The following IDUA variants were observed in gnomAD, a reference collection of about 807,000 sequenced individuals.
The protein encoded by IDUA is alpha-L-iduronidase, also known as iduronidase alpha-L-.
In IDUA, 65 loss-of-function variants were observed where a neutral mutation model predicts 68.9. The observed-to-expected ratio is 0.94, with a 90% CI of 0.77 to 1.16. The LOEUF is 1.16. Ranked by LOEUF, IDUA falls within the 50% of genes most tolerant of loss-of-function variation. IDUA has a pLI of 0.00. For synonymous variants in IDUA, 529 were observed against 433.6 expected (o/e 1.22, Z -2.73); for missense variants, 1,046 against 938.0 (o/e 1.12, Z -1.50).
At chr4:992,095 A>T (rs1178264494) in intron 2 of IDUA, 1 of 508,916 alleles carries the variant, frequency 2.0e-6, no homozygotes, top group African/African-American at 1.9e-5. Context: ...CCTGAAGCTC[A>T]CCTCCCCAAC....
chr4:988,870 C>A, intron 2 of IDUA: 1 of 1,596,222 alleles, frequency 6.3e-7, no homozygotes. Flanking sequence ...CTCCCTGTGG[C>A]GGGCTCGTGC....
At position 991,523 on chromosome 4, in the gene IDUA, G is replaced by A. The variant is rs547128457; in HGVS notation, c.299+3574G>A. The stretch of plus-strand genomic sequence containing the variant: ...AGGTACTCCCGCGGGCGGTACTGAC[G>A]CAGCCAGCGCGTGGCGGGGAGCAGG... On this transcript the variant is annotated intron_variant, in intron 2 of 13. Coordinates refer to ENST00000514224, the MANE Select transcript of IDUA (RefSeq NM_000203.5). 3.9e-4 allele frequency: 634 copies of A among 1,607,548 alleles called. 8 individuals carry two copies. In the South Asian group the frequency reaches 6.6e-3, roughly 17 times the overall value.
At position 1,003,461 on chromosome 4, in the gene IDUA, G is replaced by A. The variant is rs751005613; in HGVS notation, c.1641G>A (p.Pro547=). 4.5e-6 allele frequency: 7 copies of A among 1,560,686 alleles called. 1 individual carries two copies. In the South Asian group the frequency reaches 8.0e-5, roughly 18 times the overall value. Residue 547 remains proline, a synonymous_variant, in exon 11 of 14, where the codon CCG becomes CCA. Transcript: ENST00000514224. The part of the protein sequence containing the change: ...LVHVCARPEK[P]PGQVTRLRAL... ...ACGTGTGTGCGCGCCCCGAGAAGCC[G>A]CCCGGGCAGGCAAGTGGCAGTCCCC...
chr4:1,000,737 C>T, intron 3 of IDUA, 40 bp downstream of exon 3: 2 of 1,523,820 alleles, frequency 1.3e-6, no homozygotes, highest in Non-Finnish European at 1.8e-6. Context: ...GCCTGCACCC[C>T]CTTGCCCTGC....
chr4:991,895 G>T (rs1410021862), intron 2 of IDUA: 3 of 1,252,866 alleles, frequency 2.4e-6, no homozygotes, highest in Non-Finnish European at 3.4e-6. Flanking sequence ...CCCCTGCCCG[G>T]TATGGATGGA....
chr4:1,002,985 C>T, intron 9 of IDUA, 41 bp downstream of exon 9: 1 of 1,410,990 alleles, frequency 7.1e-7, no homozygotes, highest in Non-Finnish European at 9.2e-7. Flanking sequence ...CCCGCTGGGG[C>T]TCTGGAGGGG....
intron 2 of IDUA, among the ~76,000 whole-genome samples, chr4:996,598 G>T (rs1476033862): frequency 6.6e-6 from 1 of 152,222 alleles, no homozygotes; most frequent in Non-Finnish European, 1.5e-5. Context: ...CACTGCAGGG[G>T]CCTGGCCTCA....
intron 2 of IDUA, among the ~76,000 whole-genome samples, chr4:994,281 T>C (rs77221297): frequency 4.4e-5 from 5 of 112,930 alleles, no homozygotes; most frequent in Non-Finnish European, 7.8e-5. Context: ...CCACCTTTTC[T>C]TTTTTTTTTT....
rs757756523 is a variant in IDUA at position 989,630 on chromosome 4, G to C, written c.299+1681G>C. 5 of 1,599,396 alleles carry C rather than the reference G, an allele frequency of 3.1e-6. No individual in the cohort carries two copies. In the South Asian group the frequency reaches 4.5e-5, roughly 14 times the overall value. ...ACGCAGGCCAGCACGCTTCGCTGTA[G>C]GTCGTGGAACAGCGGTGCCAGCGCC... On this transcript the variant is annotated intron_variant, in intron 2 of 13. Transcript: ENST00000514224.
rs201268637 is a variant in IDUA, at chr4:1,001,876, A to T, written c.787A>T (p.Arg263Trp). The part of the protein sequence containing the change: ...GVRLDYISLH[R>W]KGARSSISIL... Reference sequence around the variant, plus strand: ...GCGGCTGGACTACATCTCCCTCCACAGGAAGGTGCGCCCTGCCCCTCCGTC... The same window carrying T: ...GCGGCTGGACTACATCTCCCTCCACTGGAAGGTGCGCCCTGCCCCTCCGTC... The change falls in exon 6 of 14, where the codon AGG becomes TGG. Residue 263 changes from arginine (R) to tryptophan (W), a missense_variant. Coordinates refer to ENST00000514224, the MANE Select transcript of IDUA (RefSeq NM_000203.5). The T allele has an allele frequency of 9.2e-5, 145 of 1,583,982 alleles. No individual in the cohort carries two copies. The Middle Eastern group carries it at 1.0e-3, about 11-fold the overall frequency.
chr4:989,090 C>T lies in IDUA; in HGVS notation c.299+1141C>T, dbSNP rs542658522. 4.3e-5 allele frequency: 68 copies of T among 1,599,178 alleles called. No homozygotes were observed. The highest frequency in any genetic ancestry group is 5.2e-5 in the Non-Finnish European group (61 of 1,173,446). On this transcript the variant is annotated intron_variant, in intron 2 of 13. Transcript: ENST00000514224. ...GCTGCGTCTAGGAACAGCAGCGGGG[C>T]GCAGTCGATGACCACTGTGTGGAAG...
At chr4:988,317 T>C in intron 2 of IDUA, 1 of 1,101,746 alleles carries the variant, frequency 9.1e-7, no homozygotes, top group Non-Finnish European at 1.1e-6. Context: ...CTGACGCTGG[T>C]GCAGGTGGCC....
intron 2 of IDUA, chr4:990,679 C>T (rs62294518): frequency 0.013 from 6,022 of 446,526 alleles, 76 homozygotes; most frequent in Non-Finnish European, 0.018. Flanking sequence ...GAAGGCAACC[C>T]CTTCCTGCTG....
chr4:1,003,729 C>T (rs934062724), intron 12 of IDUA, 104 bp downstream of exon 12: 1 of 1,298,818 alleles, frequency 7.7e-7, no homozygotes, highest in Non-Finnish European at 1.1e-6. Flanking sequence ...CGTGGCCCAT[C>T]GGCTCCCTCC....
At chr4:999,115 G>C (rs1172329133) in intron 2 of IDUA, among the ~76,000 whole-genome samples, 1 of 151,842 alleles carries the variant, frequency 6.6e-6, no homozygotes, top group Admixed American at 6.6e-5. Flanking sequence ...TGAGGCAGGA[G>C]AATGGTGTGA....
intron 2 of IDUA, among the ~76,000 whole-genome samples, chr4:996,419 T>G (rs1035217617): frequency 1.2e-4 from 19 of 152,064 alleles, no homozygotes; most frequent in African/African-American, 4.6e-4. Flanking sequence ...TGCAGACGCC[T>G]GCATGCAGGG....
At chr4:987,352 C>G in intron 1 of IDUA, 110 bp downstream of exon 1, 2 of 1,088,212 alleles carry the variant, frequency 1.8e-6, no homozygotes, top group Non-Finnish European at 2.6e-6. Context: ...CCTCTGGGGC[C>G]CTGGCTCTCC....
rs1418577743 is a variant in IDUA at position 1,001,740 on chromosome 4, G to T, written c.651G>T (p.Arg217=). The part of the protein sequence containing the change: ...EGLRAASPAL[R]LGGPGDSFHT... ...TGCGCGCCGCCAGCCCCGCCCTGCG[G>T]CTGGGAGGCCCCGGCGACTCCTTCC... Residue 217 remains arginine, a synonymous_variant, in exon 6 of 14, where the codon CGG becomes CGT. Transcript: ENST00000514224. The T allele has an allele frequency of 6.3e-7, 1 of 1,599,122 alleles. No individual in the cohort carries two copies.
At chr4:1,003,862 G>C in intron 12 of IDUA, 150 bp from the exon 13 acceptor site, 1 of 842,232 alleles carries the variant, frequency 1.2e-6, no homozygotes, top group Non-Finnish European at 2.0e-6. Flanking sequence ...GCCCTCTCCT[G>C]CCTGGGCAGG....
Sources: allele counts gnomAD v4.1 joint callset (sites outside exome capture counted in the v4.1 genomes callset), GRCh38; gene constraint gnomAD v4.1.1; transcripts MANE v1.5; gene names NCBI Gene and HGNC (gene_info 2026-07-23, HGNC 2026-07-21).